The following ROBO1 variants were observed in gnomAD, a reference collection of about 807,000 sequenced individuals.
The protein encoded by ROBO1 is roundabout guidance receptor 1, also known as roundabout homolog 1.
A neutral mutation model predicts 195.9 loss-of-function variants in ROBO1; 149 were observed. That is an observed-to-expected ratio of 0.76 (90% CI 0.67 to 0.87). The LOEUF (loss-of-function observed/expected upper bound fraction) is 0.87, where lower values mean the gene tolerates loss of function less well. Among genes scored for constraint, ROBO1 ranks in the 40% least tolerant of loss-of-function variants. ROBO1 has a pLI of 0.00. For missense variants in ROBO1, 1,933 were observed against 2,068.3 expected, an observed-to-expected ratio of 0.93 and a Z score of 1.27; for synonymous variants, 816 against 733.2, an observed-to-expected ratio of 1.11 and a Z score of -1.82.
chr3:78,909,129 C>G (rs912531066), intron 4 of ROBO1, among the ~76,000 whole-genome samples: 1 of 151,784 alleles, frequency 6.6e-6, no homozygotes, highest in African/African-American at 2.4e-5. Context: ...CTCTCCATTG[C>G]GGAAATAATG....
chr3:79,540,845 G>A (rs114107093), intron 2 of ROBO1, among the ~76,000 whole-genome samples: 6,417 of 152,068 alleles, frequency 0.042, 456 homozygotes, highest in African/African-American at 0.14. Context: ...TCATGTCTAC[G>A]TAATATTTTT....
chr3:79,056,930 A>T (rs993967871), intron 3 of ROBO1, among the ~76,000 whole-genome samples: 1 of 152,044 alleles, frequency 6.6e-6, no homozygotes, highest in Non-Finnish European at 1.5e-5. Flanking sequence ...GAATACTTAA[A>T]ATTTCTGGAT....
At chr3:79,752,939 G>C (rs1704199905) in intron 1 of ROBO1, among the ~76,000 whole-genome samples, 1 of 152,158 alleles carries the variant, frequency 6.6e-6, no homozygotes, top group South Asian at 2.1e-4. Context: ...AGGCAGTAGG[G>C]AGTGGGGAAA....
intron 2 of ROBO1, among the ~76,000 whole-genome samples, chr3:79,385,483 C>A (rs954128029): frequency 6.6e-6 from 1 of 152,082 alleles, no homozygotes; most frequent in African/African-American, 2.4e-5. Context: ...TGTTACACTA[C>A]TGCACAAAAT....
intron 8 of ROBO1, among the ~76,000 whole-genome samples, chr3:78,698,418 A>G (rs916934444): frequency 6.6e-6 from 1 of 152,240 alleles, no homozygotes; most frequent in Non-Finnish European, 1.5e-5. Flanking sequence ...AACTTTTAAG[A>G]CATAACAATA....
chr3:79,432,033 C>T (rs910174560), intron 2 of ROBO1, among the ~76,000 whole-genome samples: 2 of 151,892 alleles, frequency 1.3e-5, no homozygotes, highest in Non-Finnish European at 2.9e-5. Context: ...AACTTTCCAC[C>T]GAAGTTTGAT....
chr3:79,678,307 AT>A (rs1416468812), intron 1 of ROBO1, among the ~76,000 whole-genome samples: 13 of 152,038 alleles, frequency 8.6e-5, no homozygotes, highest in Non-Finnish European at 8.8e-5. Flanking sequence ...ATATATATAT[AT>A]AAATCACTAG....
chr3:79,057,528 T>A (rs1207174238), intron 3 of ROBO1, among the ~76,000 whole-genome samples: 1 of 152,068 alleles, frequency 6.6e-6, no homozygotes, highest in African/African-American at 2.4e-5. Flanking sequence ...TCCTCCCTGA[T>A]GGCAATGAAG....
At chr3:79,257,773 C>T (rs561147666) in intron 2 of ROBO1, among the ~76,000 whole-genome samples, 9 of 152,178 alleles carry the variant, frequency 5.9e-5, no homozygotes, top group African/African-American at 2.2e-4. Flanking sequence ...GTTTTAGATG[C>T]TCTTTTTGCT....
At chr3:79,405,027 C>T (rs2037492726) in intron 2 of ROBO1, among the ~76,000 whole-genome samples, 1 of 151,866 alleles carries the variant, frequency 6.6e-6, no homozygotes. Flanking sequence ...GGACTCACTG[C>T]CCCATTGAAA....
intron 1 of ROBO1, among the ~76,000 whole-genome samples, chr3:79,731,507 A>G (rs1468424919): frequency 6.6e-6 from 1 of 152,162 alleles, no homozygotes; most frequent in African/African-American, 2.4e-5. Flanking sequence ...AGTAAGGCAG[A>G]GATGAAGCAA....
chr3:78,694,301 T>C (rs1340960351), intron 8 of ROBO1, among the ~76,000 whole-genome samples: 5 of 152,192 alleles, frequency 3.3e-5, no homozygotes, highest in Non-Finnish European at 7.4e-5. Flanking sequence ...TATATTTTAC[T>C]CAAATAAATA....
intron 8 of ROBO1, among the ~76,000 whole-genome samples, chr3:78,711,416 T>TTTCC (rs2081729420): frequency 1.0e-5 from 1 of 99,228 alleles, no homozygotes; most frequent in African/African-American, 4.6e-5. Context: ...TCTTTCTTTC[T>TTTCC]TTCTTTCTTT....
intron 1 of ROBO1, among the ~76,000 whole-genome samples, chr3:79,656,900 G>GA (rs72452350): frequency 0.57 from 84,856 of 149,282 alleles, 24,264 homozygotes; most frequent in South Asian, 0.66. Context: ...TTGTCTCAAA[G>GA]AAAAAAAATA....
chr3:78,665,021 A>G (rs908553958), intron 14 of ROBO1, among the ~76,000 whole-genome samples: 1 of 152,158 alleles, frequency 6.6e-6, no homozygotes, highest in Non-Finnish European at 1.5e-5. Context: ...AATGTTAAGG[A>G]AAAGATGTCA....
chr3:79,672,951 A>G (rs1158122909), intron 1 of ROBO1, among the ~76,000 whole-genome samples: 1 of 151,876 alleles, frequency 6.6e-6, no homozygotes, highest in Non-Finnish European at 1.5e-5. Flanking sequence ...CAAATAACTG[A>G]TCTTTTGTAA....
chr3:79,058,012 G>A (rs2078844487), intron 3 of ROBO1, among the ~76,000 whole-genome samples: 1 of 152,008 alleles, frequency 6.6e-6, no homozygotes, highest in African/African-American at 2.4e-5. Context: ...GGAGAGATCA[G>A]CTACAGAGGA....
At chr3:78,894,933 A>G (rs1016616718) in intron 4 of ROBO1, among the ~76,000 whole-genome samples, 10 of 152,236 alleles carry the variant, frequency 6.6e-5, no homozygotes, top group African/African-American at 1.7e-4. Context: ...TATCTATTGC[A>G]GTGGATGAGC....
intron 2 of ROBO1, among the ~76,000 whole-genome samples, chr3:79,534,117 T>C (rs1941761577): frequency 8.2e-6 from 1 of 121,718 alleles, no homozygotes; most frequent in African/African-American, 3.3e-5. Flanking sequence ...TAGCCACTAG[T>C]ACCTAGGAAG....
Sources: gnomAD v4.1 joint callset for allele counts (sites outside exome capture counted in the v4.1 genomes callset) on GRCh38, gnomAD v4.1.1 for gene constraint, MANE v1.5 for transcripts, NCBI Gene and HGNC (gene_info 2026-07-23, HGNC 2026-07-21) for gene names.